Variants in SUGCT observed in about 807,000 individuals in gnomAD.
SUGCT encodes the protein succinyl-CoA:glutarate CoA-transferase.
A neutral mutation model predicts 55.0 loss-of-function variants in SUGCT; 41 were observed. The ratio of observed to expected loss-of-function variants is 0.74; its 90% CI spans 0.58 to 0.97. The LOEUF (loss-of-function observed/expected upper bound fraction) is 0.97, where lower values mean the gene tolerates loss of function less well. SUGCT is among the 50% of genes least tolerant of loss of function. SUGCT has a pLI of 0.00. For missense variants in SUGCT, 568 were observed against 547.8 expected (o/e 1.04, Z -0.37); for synonymous variants, 187 against 200.4 (o/e 0.93, Z 0.56).
intron 12 of SUGCT, among the ~76,000 whole-genome samples, chr7:40,570,070 T>A (rs1796359293): frequency 6.6e-6 from 1 of 152,228 alleles, no homozygotes; most frequent in African/African-American, 2.4e-5. Context: ...AATTACTATG[T>A]TAGGGAAGTA....
chr7:40,273,538 T>G (rs1792252290), intron 7 of SUGCT, among the ~76,000 whole-genome samples: 1 of 152,226 alleles, frequency 6.6e-6, no homozygotes, highest in Non-Finnish European at 1.5e-5. Context: ...ATAATTTTGA[T>G]AGGTGATTTT....
chr7:40,995,204 C>T, the SUGCT span, among the ~76,000 whole-genome samples: 6 of 152,020 alleles, frequency 3.9e-5, no homozygotes, highest in South Asian at 2.1e-4. Context: ...AAGAGTCAAC[C>T]GTTTGCCCAG....
At chr7:40,750,402 G>C (rs1431775247) in intron 13 of SUGCT, among the ~76,000 whole-genome samples, 14 of 151,974 alleles carry the variant, frequency 9.2e-5, no homozygotes, top group Non-Finnish European at 2.1e-4. Context: ...AATTAGCTAG[G>C]ATATAATTTT....
intron 9 of SUGCT, among the ~76,000 whole-genome samples, chr7:40,442,961 G>T (rs1344305815): frequency 6.6e-6 from 1 of 152,124 alleles, no homozygotes; most frequent in Non-Finnish European, 1.5e-5. Flanking sequence ...CTATGAGTGA[G>T]AACATGCAGT....
the SUGCT span, among the ~76,000 whole-genome samples, chr7:40,949,057 T>A: frequency 1.3e-4 from 20 of 152,310 alleles, no homozygotes; most frequent in African/African-American, 4.1e-4. Flanking sequence ...TTGAAGTAGT[T>A]TACAGTCCCA....
At position 40,316,955 on chromosome 7, in the gene SUGCT, G is replaced by GTTTT. The variant is rs56989808; in HGVS notation, c.816+115_816+118dup. 1,790 of 188,638 alleles carry GTTTT rather than the reference G, an allele frequency of 9.5e-3. 13 individuals carry two copies. Among genetic ancestry groups the GTTTT allele is most frequent in the South Asian group, 0.025 (180 of 7,084 alleles). 11.7% of individuals were successfully genotyped at this position (188,638 alleles called of 1,614,324 possible). A position where few individuals can be genotyped will look rare whatever the true frequency, so the allele number is the denominator to read the frequency against. ...CTTTTTATACACAAATCCTTCAGCT[G>GTTTT]TTTTTTTTTTTTTTTTTTGTAATGT... On this transcript the variant is annotated intron_variant, in intron 9 of 13. Coordinates refer to ENST00000335693, the MANE Select transcript of SUGCT (RefSeq NM_001193313.2).
chr7:40,549,866 A>G (rs558286744), intron 12 of SUGCT, among the ~76,000 whole-genome samples: 1 of 152,336 alleles, frequency 6.6e-6, no homozygotes, highest in Admixed American at 6.5e-5. Context: ...GCTCGGGGTC[A>G]GATTCTGAGG....
intron 7 of SUGCT, among the ~76,000 whole-genome samples, chr7:40,239,777 C>T (rs973812420): frequency 2.6e-5 from 4 of 152,316 alleles, no homozygotes; most frequent in Admixed American, 2.0e-4. Context: ...TTATTGAGTG[C>T]TTGGTATGTG....
At chr7:40,399,866 G>C (rs1785964917) in intron 9 of SUGCT, among the ~76,000 whole-genome samples, 1 of 152,000 alleles carries the variant, frequency 6.6e-6, no homozygotes, top group Admixed American at 6.6e-5. Context: ...GGTAGTTGTA[G>C]GGTTTTTTTA....
rs368578639 is a variant in SUGCT, at chr7:40,673,631, C to T, written c.1090-75803C>T. ...AAGCTGAAGAGTATTATATAACCAT[C>T]CATAAAATGTCTCTGACTGAAGTAC... On this transcript the variant is annotated intron_variant, in intron 12 of 13. Transcript: ENST00000335693. Among the ~76,000 whole-genome samples, 74 of 152,284 alleles carry T rather than the reference C, an allele frequency of 4.9e-4. 4 individuals are homozygous for T. The South Asian group carries it at 0.01, about 21-fold the overall frequency.
chr7:40,151,438 T>C (rs1788567021), intron 1 of SUGCT, among the ~76,000 whole-genome samples: 1 of 152,216 alleles, frequency 6.6e-6, no homozygotes, highest in African/African-American at 2.4e-5. Flanking sequence ...AGATGAAGAT[T>C]GTATTCACAG....
intron 12 of SUGCT, among the ~76,000 whole-genome samples, chr7:40,531,409 G>A (rs909135138): frequency 6.6e-5 from 10 of 151,954 alleles, no homozygotes; most frequent in African/African-American, 2.2e-4. Context: ...TATCACAGAG[G>A]AGTTATTGGA....
rs1055723303 is a variant in SUGCT at position 40,449,561 on chromosome 7, G to A, written c.888+203G>A. ...TGGCTGTATTTTAAAGTGAAGAATCGTAGTAGCTTAAATTGTCCTAAAACT... is the reference window on the plus strand; with the variant it reads ...TGGCTGTATTTTAAAGTGAAGAATCATAGTAGCTTAAATTGTCCTAAAACT... On this transcript the variant is annotated intron_variant, in intron 10 of 13. Transcript: ENST00000335693. Among the ~76,000 whole-genome samples the A allele has an allele frequency of 5.3e-5, 8 of 152,104 alleles. No homozygotes were observed. The East Asian group carries it at 5.8e-4, about 11-fold the overall frequency.
intron 7 of SUGCT, among the ~76,000 whole-genome samples, chr7:40,257,094 G>T (rs142510125): frequency 4.1e-4 from 63 of 151,892 alleles, no homozygotes; most frequent in African/African-American, 1.5e-3. Context: ...GTCCAGGCTG[G>T]AGTGCAGTGG....
intron 13 of SUGCT, among the ~76,000 whole-genome samples, chr7:40,787,270 GCCAATAT>G (rs1174228346): frequency 6.6e-6 from 1 of 152,078 alleles, no homozygotes; most frequent in Admixed American, 6.6e-5. Context: ...GGGCTTCAGG[GCCAATAT>G]CCCAAAGAGA....
chr7:40,367,746 T>C (rs1180112823), intron 9 of SUGCT, among the ~76,000 whole-genome samples: 2 of 152,160 alleles, frequency 1.3e-5, no homozygotes, highest in Non-Finnish European at 2.9e-5. Context: ...CCGACCGTGG[T>C]CTGTTATCTC....
At chr7:40,859,314 C>G (rs1309600299) in intron 13 of SUGCT, among the ~76,000 whole-genome samples, 1 of 152,184 alleles carries the variant, frequency 6.6e-6, no homozygotes, top group African/African-American at 2.4e-5. Flanking sequence ...ATGGAAAGTT[C>G]ATGGCCTTTA....
rs976502536 is a variant in SUGCT at position 40,188,946 on chromosome 7, C to T, written c.312+366C>T. Among the ~76,000 whole-genome samples the T allele has an allele frequency of 2.6e-4, 40 of 152,292 alleles. No individual in the cohort carries two copies. In the East Asian group the frequency reaches 5.8e-3, roughly 22 times the overall value. On this transcript the variant is annotated intron_variant, in intron 4 of 13. Transcript: ENST00000335693. ...CCTTGTTAGCATATTAATATATCCT[C>T]ATGGTAAATAGAATCAGTAAAGATG...
chr7:40,237,425 C>T (rs937006826), intron 6 of SUGCT, among the ~76,000 whole-genome samples: 1 of 151,908 alleles, frequency 6.6e-6, no homozygotes, highest in Non-Finnish European at 1.5e-5. Context: ...CCCTGCTCGA[C>T]GGGAACGAGA....
Sources: gnomAD v4.1 joint callset for allele counts (sites outside exome capture counted in the v4.1 genomes callset) on GRCh38, gnomAD v4.1.1 for gene constraint, MANE v1.5 for transcripts, NCBI Gene and HGNC (gene_info 2026-07-23, HGNC 2026-07-21) for gene names.